TANGO6: variants seen among roughly 807,000 people sequenced by gnomAD.
The protein encoded by TANGO6 is transport and golgi organization 6 homolog.
TANGO6 carries 90 observed loss-of-function variants against 114.2 expected under a neutral mutation model. The observed-to-expected ratio is 0.79, with a 90% CI of 0.66 to 0.94. TANGO6 has a LOEUF of 0.94. Ranked by LOEUF, TANGO6 falls within the 40% of genes least tolerant of loss-of-function variation. The pLI is 0.00. For missense variants in TANGO6, 1,274 were observed against 1,315.3 expected (o/e 0.97, Z 0.49); for synonymous variants, 477 against 509.8 (o/e 0.94, Z 0.87).
chr16:68,973,760 G>T (rs1963733646), intron 14 of TANGO6: 1 of 461,032 alleles, frequency 2.2e-6, no homozygotes, highest in Non-Finnish European at 4.0e-6. Flanking sequence ...AAGGCAGGAG[G>T]CATTGCCTGG....
chr16:69,065,922 G>A (rs1960207676), intron 17 of TANGO6, among the ~76,000 whole-genome samples: 1 of 152,180 alleles, frequency 6.6e-6, no homozygotes, highest in African/African-American at 2.4e-5. Context: ...CAGATTGTCT[G>A]TGTCCATTCT....
chr16:69,067,425 G>A (rs1386219328), intron 17 of TANGO6, among the ~76,000 whole-genome samples: 1 of 150,538 alleles, frequency 6.6e-6, no homozygotes, highest in African/African-American at 2.5e-5. Context: ...CAGGAGAATC[G>A]CTTGAACCTG....
At chr16:68,918,173 G>A (rs1406797059) in intron 11 of TANGO6, among the ~76,000 whole-genome samples, 1 of 152,116 alleles carries the variant, frequency 6.6e-6, no homozygotes, top group East Asian at 1.9e-4. Flanking sequence ...CTCCCAAAGT[G>A]CTGGGATTAC....
intron 14 of TANGO6, among the ~76,000 whole-genome samples, chr16:68,931,110 A>C (rs1222869896): frequency 6.6e-6 from 1 of 152,202 alleles, no homozygotes; most frequent in African/African-American, 2.4e-5. Flanking sequence ...GAGGATGTAG[A>C]GAATAAGGCA....
At chr16:68,910,309 T>C (rs1324898602) in intron 11 of TANGO6, among the ~76,000 whole-genome samples, 2 of 152,212 alleles carry the variant, frequency 1.3e-5, no homozygotes, top group Non-Finnish European at 2.9e-5. Context: ...AGAATTATGC[T>C]CATGATTTCT....
intron 16 of TANGO6, among the ~76,000 whole-genome samples, chr16:69,038,456 C>T (rs1287171180): frequency 6.6e-6 from 1 of 151,786 alleles, no homozygotes; most frequent in East Asian, 1.9e-4. Flanking sequence ...TATGAGAGAC[C>T]AGTTGAATAA....
At chr16:68,962,325 A>G (rs571833379) in intron 14 of TANGO6, among the ~76,000 whole-genome samples, 1 of 152,270 alleles carries the variant, frequency 6.6e-6, no homozygotes, top group South Asian at 2.1e-4. Context: ...TAGAGATGCA[A>G]GAGAGGCCAA....
intron 17 of TANGO6, among the ~76,000 whole-genome samples, chr16:69,050,502 T>TTG (rs1418246543): frequency 6.6e-6 from 1 of 151,710 alleles, no homozygotes; most frequent in Admixed American, 6.6e-5. Flanking sequence ...TTTTTTTTTT[T>TTG]TTTTTGAGAC....
At chr16:68,997,800 T>A (rs1351383973) in intron 15 of TANGO6, among the ~76,000 whole-genome samples, 2 of 152,184 alleles carry the variant, frequency 1.3e-5, no homozygotes, top group Non-Finnish European at 2.9e-5. Flanking sequence ...CTCTGACATA[T>A]TTCCTCCCTC....
At chr16:68,892,584 G>A (rs1002429795) in intron 7 of TANGO6, among the ~76,000 whole-genome samples, 11 of 150,126 alleles carry the variant, frequency 7.3e-5, no homozygotes, top group South Asian at 2.1e-4. Context: ...GCATGATCTC[G>A]GCTCACTGCA....
intron 1 of TANGO6, 135 bp from the exon 2 acceptor site, chr16:68,859,749 G>C (rs1461296844): frequency 1.4e-5 from 14 of 994,758 alleles, no homozygotes; most frequent in Non-Finnish European, 2.0e-5. Flanking sequence ...TGGTACCCCT[G>C]GGGGAGGCTT....
intron 14 of TANGO6, among the ~76,000 whole-genome samples, chr16:68,963,804 C>G (rs1963618246): frequency 6.6e-6 from 1 of 152,198 alleles, no homozygotes; most frequent in African/African-American, 2.4e-5. Context: ...ATATATTTTC[C>G]AAAGATCCAG....
chr16:68,994,755 AT>A (rs1028843927), intron 15 of TANGO6, among the ~76,000 whole-genome samples: 43 of 149,036 alleles, frequency 2.9e-4, no homozygotes, highest in African/African-American at 1.0e-3. Context: ...AAAAAAAAAA[AT>A]TTTTTTTTTG....
At chr16:68,845,206 G>C (rs1344750725) in intron 1 of TANGO6, among the ~76,000 whole-genome samples, 1 of 152,102 alleles carries the variant, frequency 6.6e-6, no homozygotes, top group Non-Finnish European at 1.5e-5. Flanking sequence ...GACCTCAAGT[G>C]ATCTGCCTGC....
intron 9 of TANGO6, among the ~76,000 whole-genome samples, chr16:68,903,615 C>CAAAA (rs1175415785): frequency 8.4e-5 from 5 of 59,236 alleles, no homozygotes; most frequent in South Asian, 6.3e-4. Flanking sequence ...GAGACCATCT[C>CAAAA]AAAAAAAAAA....
At chr16:69,025,505 C>T (rs1346237026) in intron 16 of TANGO6, among the ~76,000 whole-genome samples, 2 of 152,140 alleles carry the variant, frequency 1.3e-5, no homozygotes, top group East Asian at 3.9e-4. Flanking sequence ...CAAAGGCGGG[C>T]CCCACAGTAT....
rs1380183632 is a variant in TANGO6 at position 69,049,894 on chromosome 16, G to A, written c.3108+9473G>A. Among the ~76,000 whole-genome samples, 3 of 152,018 alleles carry A rather than the reference G, an allele frequency of 2.0e-5. No homozygotes were observed. In the East Asian group the frequency reaches 5.8e-4, roughly 29 times the overall value. On this transcript the variant is annotated intron_variant, in intron 17 of 17. Transcript: ENST00000261778. ...CCACACCCTGCCTGGCTCATCCATG[G>A]TGTAGCATATATCAGAGCTTAATGT...
rs1338428787 is a variant in TANGO6, at chr16:69,084,272, G to C, written c.*611G>C. 6.6e-6 allele frequency: 1 copy of C among 152,410 alleles called. No individual in the cohort carries two copies. The highest frequency in any genetic ancestry group is 1.5e-5 in the Non-Finnish European group (1 of 68,086). 9.4% of individuals were successfully genotyped at this position (152,410 alleles called of 1,614,324 possible). On this transcript the variant is annotated 3_prime_UTR_variant, in exon 18 of 18. Transcript: ENST00000261778. ...GATGGAAAACTGTGGAGTTGAAGAGGCTCTGATGCCCAGAAAGGACAATCA... is the reference window on the plus strand; with the variant it reads ...GATGGAAAACTGTGGAGTTGAAGAGCCTCTGATGCCCAGAAAGGACAATCA...
intron 17 of TANGO6, among the ~76,000 whole-genome samples, chr16:69,068,804 C>T (rs1177291217): frequency 6.6e-6 from 1 of 152,198 alleles, no homozygotes; most frequent in Admixed American, 6.5e-5. Context: ...ACCTCCGCCT[C>T]CCAGATTCAA....
Sources: gnomAD v4.1 joint callset for allele counts (sites outside exome capture counted in the v4.1 genomes callset) on GRCh38, gnomAD v4.1.1 for gene constraint, MANE v1.5 for transcripts, NCBI Gene and HGNC (gene_info 2026-07-23, HGNC 2026-07-21) for gene names.